The following SPTLC3 variants were observed in gnomAD, a reference collection of about 807,000 sequenced individuals.
The protein encoded by SPTLC3 is serine palmitoyltransferase long chain base subunit 3.
In SPTLC3, 36 loss-of-function variants were observed where a neutral mutation model predicts 59.3. That is an observed-to-expected ratio of 0.61 (90% CI 0.47 to 0.80). The LOEUF (loss-of-function observed/expected upper bound fraction) is 0.80, where lower values mean the gene tolerates loss of function less well. Ranked by LOEUF, SPTLC3 falls within the 30% of genes least tolerant of loss-of-function variation. The pLI is 0.00. For synonymous variants in SPTLC3, 257 were observed against 240.8 expected, an observed-to-expected ratio of 1.07 and a Z score of -0.62; for missense variants, 625 against 685.1, an observed-to-expected ratio of 0.91 and a Z score of 0.98.
chr20:13,024,794 A>T (rs1472520990), intron 1 of SPTLC3, among the ~76,000 whole-genome samples: 1 of 152,216 alleles, frequency 6.6e-6, no homozygotes, highest in Admixed American at 6.5e-5. Flanking sequence ...CCCCTGCTAC[A>T]CACTCATAAT....
intron 8 of SPTLC3, among the ~76,000 whole-genome samples, chr20:13,118,226 T>C (rs1158789201): frequency 6.6e-6 from 1 of 152,188 alleles, no homozygotes; most frequent in East Asian, 1.9e-4. Context: ...CTACAAGTTG[T>C]GGGTTTTAAG....
At chr20:13,016,679 T>A (rs997672539) in intron 1 of SPTLC3, among the ~76,000 whole-genome samples, 1 of 152,168 alleles carries the variant, frequency 6.6e-6, no homozygotes, top group Non-Finnish European at 1.5e-5. Context: ...GTCTAAGGTA[T>A]CAATAATATA....
chr20:13,143,451 T>A (rs2038433533), intron 9 of SPTLC3, among the ~76,000 whole-genome samples: 1 of 152,214 alleles, frequency 6.6e-6, no homozygotes, highest in Non-Finnish European at 1.5e-5. Context: ...ATTATTATTA[T>A]CCTTGTCATG....
At chr20:13,132,051 C>T (rs1013210329) in intron 9 of SPTLC3, among the ~76,000 whole-genome samples, 9 of 152,080 alleles carry the variant, frequency 5.9e-5, no homozygotes, top group Non-Finnish European at 1.2e-4. Flanking sequence ...TCTGACCTAT[C>T]GGCATAGCCC....
At chr20:13,100,545 C>A (rs1989565565) in intron 6 of SPTLC3, among the ~76,000 whole-genome samples, 1 of 152,084 alleles carries the variant, frequency 6.6e-6, no homozygotes, top group African/African-American at 2.4e-5. Flanking sequence ...GCCTGGGCAA[C>A]ATAGCAAGAC....
intron 11 of SPTLC3, among the ~76,000 whole-genome samples, chr20:13,161,366 TC>T (rs1457333825): frequency 6.6e-5 from 10 of 152,098 alleles, no homozygotes; most frequent in Non-Finnish European, 1.5e-4. Flanking sequence ...AAAATAAGGT[TC>T]TAGAGCTTAG....
chr20:13,016,995 TG>T (rs965541323), intron 1 of SPTLC3, among the ~76,000 whole-genome samples: 17 of 152,134 alleles, frequency 1.1e-4, no homozygotes, highest in Non-Finnish European at 2.9e-5. Flanking sequence ...AAACCAGGTA[TG>T]GAAACCAAGT....
chr20:13,044,467 C>T (rs1452366944), intron 1 of SPTLC3, among the ~76,000 whole-genome samples: 3 of 152,104 alleles, frequency 2.0e-5, no homozygotes, highest in Non-Finnish European at 4.4e-5. Context: ...TGTCTTTCTT[C>T]GTGAGACTCT....
chr20:13,158,459 A>C (rs1431925329), intron 10 of SPTLC3, among the ~76,000 whole-genome samples: 1 of 152,194 alleles, frequency 6.6e-6, no homozygotes, highest in African/African-American at 2.4e-5. Flanking sequence ...AGAAACATGC[A>C]GACAGTGAAA....
At chr20:13,035,272 A>G (rs1045266053) in intron 1 of SPTLC3, among the ~76,000 whole-genome samples, 1 of 152,204 alleles carries the variant, frequency 6.6e-6, no homozygotes, top group African/African-American at 2.4e-5. Flanking sequence ...TATTTCAAAT[A>G]GAATTGGTGC....
chr20:13,072,795 T>C (rs1320733286), intron 3 of SPTLC3, among the ~76,000 whole-genome samples: 1 of 152,210 alleles, frequency 6.6e-6, no homozygotes, highest in East Asian at 1.9e-4. Flanking sequence ...ATGAGTGTCA[T>C]AGAAATAAGT....
chr20:13,155,595 G>A (rs1014593641), intron 10 of SPTLC3, among the ~76,000 whole-genome samples: 1 of 152,138 alleles, frequency 6.6e-6, no homozygotes, highest in African/African-American at 2.4e-5. Context: ...GGGAGGCCCA[G>A]GCAGGCAGAT....
chr20:13,056,326 TG>T (rs1253638535), intron 2 of SPTLC3, among the ~76,000 whole-genome samples: 14 of 152,356 alleles, frequency 9.2e-5, no homozygotes, highest in Admixed American at 9.1e-4. Context: ...TTTTATTATT[TG>T]TTCAATTTGA....
chr20:13,063,309 A>T (rs939454692), intron 2 of SPTLC3, among the ~76,000 whole-genome samples: 18 of 152,182 alleles, frequency 1.2e-4, no homozygotes, highest in Non-Finnish European at 1.8e-4. Flanking sequence ...ATGTGCTCTT[A>T]TATCAATAAT....
chr20:13,078,967 TAATC>T lies in SPTLC3; in HGVS notation c.607+4473_607+4476del, dbSNP rs1209763453. Among the ~76,000 whole-genome samples the T allele has an allele frequency of 2.0e-5, 3 of 152,282 alleles. No individual in the cohort carries two copies. The East Asian group carries it at 5.8e-4, about 29-fold the overall frequency. Reference sequence around the variant, plus strand: ...TTTTTAATTCATACAGTAAAGTTAATAATCAACTATAAACGGTAAGAGATATATT... The same window carrying T: ...TTTTTAATTCATACAGTAAAGTTAATAACTATAAACGGTAAGAGATATATT... On this transcript the variant is annotated intron_variant, in intron 4 of 11. Coordinates refer to ENST00000399002, the MANE Select transcript of SPTLC3 (RefSeq NM_018327.4).
intron 9 of SPTLC3, among the ~76,000 whole-genome samples, chr20:13,131,650 G>T (rs572450859): frequency 3.3e-5 from 5 of 151,992 alleles, no homozygotes; most frequent in Admixed American, 6.6e-5. Flanking sequence ...TCAGAATCAG[G>T]TCACTTCTCA....
intron 6 of SPTLC3, among the ~76,000 whole-genome samples, chr20:13,094,226 G>A (rs2122635854): frequency 6.6e-6 from 1 of 152,268 alleles, no homozygotes; most frequent in Non-Finnish European, 1.5e-5. Context: ...GACTTACTGT[G>A]TCACTTTGTA....
At chr20:13,020,118 G>A (rs779185870) in intron 1 of SPTLC3, among the ~76,000 whole-genome samples, 3 of 152,102 alleles carry the variant, frequency 2.0e-5, no homozygotes, top group African/African-American at 2.4e-5. Flanking sequence ...AGAAGACAGG[G>A]TAAAGGATTC....
chr20:13,110,086 A>ATT (rs375575863), intron 6 of SPTLC3, 26 bp from the exon 7 acceptor site: 61 of 1,183,848 alleles, frequency 5.2e-5, no homozygotes, highest in African/African-American at 2.4e-4. Context: ...TCATGACTCA[A>ATT]TTTTTTTTTT....
Sources: gnomAD v4.1 joint callset for allele counts (sites outside exome capture counted in the v4.1 genomes callset) on GRCh38, gnomAD v4.1.1 for gene constraint, MANE v1.5 for transcripts, NCBI Gene and HGNC (gene_info 2026-07-23, HGNC 2026-07-21) for gene names.